PKHD1: variants seen among roughly 807,000 people sequenced by gnomAD.
PKHD1 encodes the protein fibrocystin.
A neutral mutation model predicts 412.0 loss-of-function variants in PKHD1; 291 were observed. The observed-to-expected ratio is 0.71, with a 90% CI of 0.64 to 0.78. The LOEUF is 0.78. Among genes scored for constraint, PKHD1 ranks in the 30% least tolerant of loss-of-function variants. The pLI is 0.00. For synonymous variants in PKHD1, 1,777 were observed against 1,821.5 expected (o/e 0.98, Z 0.62); for missense variants, 4,825 against 4,950.7 (o/e 0.97, Z 0.76).
chr6:51,865,807 C>T (rs1485503520), intron 48 of PKHD1, among the ~76,000 whole-genome samples: 1 of 152,192 alleles, frequency 6.6e-6, no homozygotes, highest in Non-Finnish European at 1.5e-5. Context: ...GCAAAGTTTG[C>T]ATCTATGCTG....
At chr6:51,874,388 T>C (rs985521164) in intron 46 of PKHD1, among the ~76,000 whole-genome samples, 1 of 152,164 alleles carries the variant, frequency 6.6e-6, no homozygotes, top group African/African-American at 2.4e-5. Flanking sequence ...ATATAGCACA[T>C]GTCTTTCTTG....
At chr6:51,791,645 A>G (rs551355472) in intron 52 of PKHD1, among the ~76,000 whole-genome samples, 1 of 152,338 alleles carries the variant, frequency 6.6e-6, no homozygotes, top group Non-Finnish European at 1.5e-5. Context: ...AGTCTAGTGC[A>G]GTGGAAACAC....
intron 53 of PKHD1, among the ~76,000 whole-genome samples, chr6:51,787,942 C>A (rs1793145624): frequency 6.6e-6 from 1 of 152,148 alleles, no homozygotes; most frequent in Admixed American, 6.6e-5. Flanking sequence ...TATTTAATAT[C>A]TCTCAATTAA....
At chr6:51,891,283 T>C (rs1779079333) in intron 43 of PKHD1, among the ~76,000 whole-genome samples, 1 of 152,076 alleles carries the variant, frequency 6.6e-6, no homozygotes, top group Admixed American at 6.5e-5. Flanking sequence ...GTTTGTTTGT[T>C]TGTTTTCTTT....
At position 51,667,411 on chromosome 6, in the gene PKHD1, ATTTG is replaced by A. The variant is rs1562060339; in HGVS notation, c.10157-7446_10157-7443del. ...GGGGTTGTTTGTTTTTTTCTTGTAAATTTGTTTGAGTTCATTGTAGATTCTGGAT... is the reference window on the plus strand; with the variant it reads ...GGGGTTGTTTGTTTTTTTCTTGTAAATTTGAGTTCATTGTAGATTCTGGAT... On this transcript the variant is annotated intron_variant, in intron 60 of 66. Coordinates refer to ENST00000371117, the MANE Select transcript of PKHD1 (RefSeq NM_138694.4). Among the ~76,000 whole-genome samples the A allele has an allele frequency of 1.3e-4, 19 of 149,962 alleles. No homozygotes were observed. In the South Asian group the frequency reaches 4.0e-3, roughly 32 times the overall value.
At chr6:51,705,434 A>G (rs1220726955) in intron 60 of PKHD1, among the ~76,000 whole-genome samples, 1 of 152,110 alleles carries the variant, frequency 6.6e-6, no homozygotes, top group Non-Finnish European at 1.5e-5. Context: ...GACCTCTTTA[A>G]GAAATTTGAC....
chr6:52,012,079 C>T (rs1262493952), intron 34 of PKHD1, among the ~76,000 whole-genome samples: 1 of 152,184 alleles, frequency 6.6e-6, no homozygotes, highest in Non-Finnish European at 1.5e-5. Context: ...AGCTTAGGCT[C>T]AGAAGCAGAT....
chr6:51,892,770 T>TA (rs1415750311), intron 43 of PKHD1, among the ~76,000 whole-genome samples: 6 of 152,170 alleles, frequency 3.9e-5, no homozygotes, highest in Non-Finnish European at 7.3e-5. Flanking sequence ...GCATTCCCAT[T>TA]AAAAAAACAT....
intron 37 of PKHD1, among the ~76,000 whole-genome samples, chr6:51,926,373 T>C (rs1785627291): frequency 6.6e-6 from 1 of 152,158 alleles, no homozygotes; most frequent in Admixed American, 6.5e-5. Flanking sequence ...CGCCTCAAGT[T>C]TTTTATTTTC....
At chr6:51,897,829 C>A (rs1220578969) in intron 43 of PKHD1, among the ~76,000 whole-genome samples, 1 of 146,634 alleles carries the variant, frequency 6.8e-6, no homozygotes, top group Non-Finnish European at 1.5e-5. Flanking sequence ...ATCTACCAAG[C>A]AAATGGAAAA....
rs1246693314 is a variant in PKHD1 at position 52,025,514 on chromosome 6, CA to C, written c.4295del (p.Val1432GlyfsTer3). On this transcript the variant is annotated frameshift_variant, in exon 32 of 67. Coordinates refer to ENST00000371117, the MANE Select transcript of PKHD1 (RefSeq NM_138694.4). LOFTEE classifies it high-confidence loss of function. ...TGGTGTGGTCTCCCAAACTCAAAAT[CA>C]CACAAGTAAAAGGACCCGAGAGGTC... is the stretch of plus-strand genomic sequence containing the variant. ...RVDLSGPFTC[V>X]ILSLGDHTIL... The C allele has an allele frequency of 6.2e-7, 1 of 1,613,822 alleles. No homozygotes were observed. Among genetic ancestry groups the C allele is most frequent in the Admixed American group, 1.7e-5 (1 of 60,006 alleles).
intron 50 of PKHD1, 112 bp from the exon 51 acceptor site, chr6:51,836,581 C>G: frequency 2.6e-6 from 2 of 769,142 alleles, no homozygotes; most frequent in Admixed American, 4.0e-5. Flanking sequence ...CCTAAATTTT[C>G]AAAACAGAAA....
intron 37 of PKHD1, among the ~76,000 whole-genome samples, chr6:51,914,355 C>G (rs1397137446): frequency 2.6e-5 from 4 of 152,204 alleles, no homozygotes; most frequent in Non-Finnish European, 5.9e-5. Context: ...AGCAGTAAAA[C>G]TAGCTTATAA....
intron 52 of PKHD1, among the ~76,000 whole-genome samples, chr6:51,798,953 C>G (rs1259576951): frequency 6.6e-6 from 1 of 152,090 alleles, no homozygotes; most frequent in Non-Finnish European, 1.5e-5. Context: ...ATGACAAGTA[C>G]ATGAAGTTTT....
chr6:52,042,837 T>C lies in PKHD1; in HGVS notation c.3097+22A>G, dbSNP rs773245028. 36 of 1,610,578 alleles carry C rather than the reference T, an allele frequency of 2.2e-5. No homozygotes were observed. The South Asian group carries it at 3.3e-4, about 15-fold the overall frequency. On this transcript the variant is annotated intron_variant, in intron 27 of 66. Transcript: ENST00000371117. Reference sequence around the variant, plus strand: ...ACTAGCTTCAGAGGGTCAGACATACTGTGAGACCCTCCCCAGATTACCAAT... The same window carrying C: ...ACTAGCTTCAGAGGGTCAGACATACCGTGAGACCCTCCCCAGATTACCAAT...
intron 54 of PKHD1, among the ~76,000 whole-genome samples, chr6:51,773,206 G>GAA (rs1790442391): frequency 6.6e-6 from 1 of 152,028 alleles, no homozygotes; most frequent in East Asian, 1.9e-4. Context: ...ATTTCCTTAG[G>GAA]ATAGAGTTTT....
rs529186397 is a variant in PKHD1 at position 51,939,101 on chromosome 6, G to A, written c.5909-4779C>T. Among the ~76,000 whole-genome samples the A allele has an allele frequency of 1.9e-3, 294 of 151,662 alleles. 2 individuals are homozygous for A. Among genetic ancestry groups the A allele is most frequent in the African/African-American group, 6.6e-3 (272 of 41,488 alleles). On this transcript the variant is annotated intron_variant, in intron 36 of 66. Transcript: ENST00000371117. ...TTTCAGAGGTGTCTGACCACGTGGGGATGCCTGCCTTGGTCCTTCACCCTT... is the reference window on the plus strand; with the variant it reads ...TTTCAGAGGTGTCTGACCACGTGGGAATGCCTGCCTTGGTCCTTCACCCTT...
At chr6:51,813,439 G>A (rs1764993933) in intron 52 of PKHD1, among the ~76,000 whole-genome samples, 1 of 151,964 alleles carries the variant, frequency 6.6e-6, no homozygotes, top group South Asian at 2.1e-4. Context: ...TTAAATGAAG[G>A]ATCTGATATT....
chr6:51,726,779 A>C (rs1782625091), intron 60 of PKHD1, among the ~76,000 whole-genome samples: 1 of 152,198 alleles, frequency 6.6e-6, no homozygotes, highest in Non-Finnish European at 1.5e-5. Flanking sequence ...TACTTTTTTT[A>C]TTTCAACTAA....
Sources: gnomAD v4.1 joint callset for allele counts (sites outside exome capture counted in the v4.1 genomes callset) on GRCh38, gnomAD v4.1.1 for gene constraint, MANE v1.5 for transcripts, NCBI Gene and HGNC (gene_info 2026-07-23, HGNC 2026-07-21) for gene names.